The following MYO5B variants were observed in gnomAD, a reference collection of about 807,000 sequenced individuals.
MYO5B encodes the protein unconventional myosin-Vb.
MYO5B carries 143 observed loss-of-function variants against 229.3 expected under a neutral mutation model. The observed-to-expected ratio is 0.62, with a 90% confidence interval of 0.54 to 0.72. The LOEUF (loss-of-function observed/expected upper bound fraction) is 0.72. Among genes scored for constraint, MYO5B ranks in the 30% least tolerant of loss-of-function variants. MYO5B has a pLI of 0.00. For missense variants in MYO5B, 2,321 were observed against 2,331.0 expected (o/e 1.00, Z 0.09); for synonymous variants, 918 against 885.2 (o/e 1.04, Z -0.66).
intron 1 of MYO5B, among the ~76,000 whole-genome samples, chr18:50,086,600 T>C (rs374808481): frequency 2.6e-5 from 4 of 152,336 alleles, no homozygotes; most frequent in Admixed American, 2.0e-4. Context: ...CCATACACTG[T>C]GCAGGCACTG....
At position 50,155,179 on chromosome 18, in the gene MYO5B, C is replaced by T. The variant is rs34417678; in HGVS notation, c.27+39588G>A. On this transcript the variant is annotated intron_variant, in intron 1 of 39. Coordinates refer to ENST00000285039, the MANE Select transcript of MYO5B (RefSeq NM_001080467.3). ...ATAGTAGCTGCAACCACTCCAGGTA[C>T]GAGGCAGCTACGTGGCACAAACAAC... Among the ~76,000 whole-genome samples, 1,089 of 152,268 alleles carry T rather than the reference C, an allele frequency of 7.2e-3. 6 individuals carry two copies. Among genetic ancestry groups the T allele is most frequent in the Non-Finnish European group, 0.011 (751 of 68,006 alleles).
chr18:49,830,423 T>C (rs1475576602), intron 39 of MYO5B, among the ~76,000 whole-genome samples: 3 of 152,180 alleles, frequency 2.0e-5, no homozygotes, highest in African/African-American at 7.2e-5. Context: ...ATGACAATAC[T>C]ACATAAGCAA....
At chr18:49,875,002 A>G (rs188192886) in intron 26 of MYO5B, among the ~76,000 whole-genome samples, 6 of 152,284 alleles carry the variant, frequency 3.9e-5, no homozygotes, top group Admixed American at 2.6e-4. Flanking sequence ...TAAATTCCTC[A>G]TAACATTTAA....
At chr18:49,876,795 G>A (rs1468981272) in intron 25 of MYO5B, among the ~76,000 whole-genome samples, 4 of 152,194 alleles carry the variant, frequency 2.6e-5, no homozygotes, top group East Asian at 1.9e-4. Context: ...AGCAAGCCAC[G>A]CAGAACCGCA....
intron 26 of MYO5B, among the ~76,000 whole-genome samples, chr18:49,875,131 T>C (rs983962775): frequency 3.3e-5 from 5 of 152,208 alleles, no homozygotes; most frequent in African/African-American, 1.2e-4. Flanking sequence ...GGGTGCCCAG[T>C]AGTTCCTTGA....
At chr18:50,000,719 A>G (rs2026036895) in intron 5 of MYO5B, among the ~76,000 whole-genome samples, 1 of 152,320 alleles carries the variant, frequency 6.6e-6, no homozygotes, top group South Asian at 2.1e-4. Context: ...GCCCTGGCCA[A>G]TTCACGCCAT....
intron 1 of MYO5B, among the ~76,000 whole-genome samples, chr18:50,107,354 A>C (rs946889516): frequency 6.6e-6 from 1 of 151,330 alleles, no homozygotes; most frequent in African/African-American, 2.4e-5. Flanking sequence ...TGACCTTGTG[A>C]TATCCAGGGT....
intron 17 of MYO5B, among the ~76,000 whole-genome samples, chr18:49,928,808 G>C (rs780423153): frequency 2.0e-5 from 3 of 152,150 alleles, no homozygotes; most frequent in Non-Finnish European, 4.4e-5. Context: ...CAAAATAATG[G>C]CATTCACAGC....
chr18:49,945,798 A>G lies in MYO5B; in HGVS notation c.1752+7462T>C, dbSNP rs552713253. 1.2e-4 allele frequency among the ~76,000 whole-genome samples: 19 copies of G among 152,014 alleles called. No individual in the cohort carries two copies. The South Asian group carries it at 3.7e-3, about 30-fold the overall frequency. On this transcript the variant is annotated intron_variant, in intron 14 of 39. Coordinates refer to ENST00000285039, the MANE Select transcript of MYO5B (RefSeq NM_001080467.3). ...GAGGAGAGCTGGGCCTGGGGGCTCC[A>G]TGGACCAGGGCCAGAGAGCCAAGAC...
chr18:50,133,104 G>A (rs2144549251), intron 1 of MYO5B, among the ~76,000 whole-genome samples: 1 of 152,306 alleles, frequency 6.6e-6, no homozygotes, highest in East Asian at 1.9e-4. Flanking sequence ...GAATATGACT[G>A]TTTCCTTCCT....
At chr18:49,888,186 A>G (rs1787545) in intron 22 of MYO5B, among the ~76,000 whole-genome samples, 88,199 of 151,804 alleles carry the variant, frequency 0.58, 25,768 homozygotes, top group Middle Eastern at 0.67. Flanking sequence ...TGGGGGAGTA[A>G]GGGACTCTCC....
rs1408494430 is a variant in MYO5B, at chr18:49,895,116, A to G, written c.2870T>C (p.Met957Thr). 2 of 1,614,082 alleles carry G rather than the reference A, an allele frequency of 1.2e-6. No individual in the cohort carries two copies. The highest frequency in any genetic ancestry group is 4.5e-5 in the East Asian group (2 of 44,874). The change falls in exon 22 of 40, where the codon ATG (methionine) becomes ACG (threonine). Residue 957 changes from methionine (M) to threonine (T), a missense_variant. By Grantham distance (81) the Met-to-Thr change is moderately conservative. Around this residue, in one of 2 missense-constraint regions of MYO5B, gnomAD observed 2,113 missense variants for 2,044.7 expected, o/e 1.03. Transcript: ENST00000285039. The stretch of plus-strand genomic sequence containing the variant: ...CTCCTTCTTCAGCCGCTCTACCTCC[A>G]TGGTGTATGTTGAGGTGGTCACGGA... Reference protein sequence around the residue: ...QLSVTTSTYTMEVERLKKELV... With the variant: ...QLSVTTSTYTTEVERLKKELV...
At chr18:50,097,533 T>C (rs928726138) in intron 1 of MYO5B, 38 of 287,856 alleles carry the variant, frequency 1.3e-4, no homozygotes, top group African/African-American at 7.8e-4. Flanking sequence ...CTAAGGTGAC[T>C]TCACTGAACA....
At chr18:49,833,351 C>T (rs1398228504) in intron 39 of MYO5B, among the ~76,000 whole-genome samples, 2 of 152,200 alleles carry the variant, frequency 1.3e-5, no homozygotes, top group Non-Finnish European at 2.9e-5. Context: ...GTCTTTATCA[C>T]ACATGTGAGT....
chr18:49,932,881 AGGT>A (rs2025209603), intron 16 of MYO5B, among the ~76,000 whole-genome samples: 1 of 152,194 alleles, frequency 6.6e-6, no homozygotes, highest in Middle Eastern at 3.2e-3. Context: ...TTTCACTATT[AGGT>A]GACTAGGAAT....
chr18:49,882,453 C>A (rs371407722), intron 22 of MYO5B, among the ~76,000 whole-genome samples: 3 of 151,884 alleles, frequency 2.0e-5, no homozygotes, highest in African/African-American at 7.2e-5. Flanking sequence ...CATGCTGACA[C>A]CCCGTCTCTA....
Position 49,877,770 on chromosome 18 carries a change from T to C in MYO5B, c.3389A>G (p.Gln1130Arg). 1.2e-6 allele frequency: 2 copies of C among 1,614,090 alleles called. No individual in the cohort carries two copies. The highest frequency in any genetic ancestry group is 1.7e-6 in the Non-Finnish European group (2 of 1,179,942). The change falls in exon 25 of 40, where the codon CAG becomes CGG. Residue 1130 changes from glutamine to arginine, a missense_variant. Coordinates refer to ENST00000285039, the MANE Select transcript of MYO5B (RefSeq NM_001080467.3). ...EIGDTEDALQQVEEIGLEKAA... is the reference protein window; with the variant it reads ...EIGDTEDALQRVEEIGLEKAA... Reference sequence around the variant, plus strand: ...AGAGCCTGCATCACTCACCTCCACCTGCTGGAGGGCATCCTCAGTGTCTCC... The same window carrying C: ...AGAGCCTGCATCACTCACCTCCACCCGCTGGAGGGCATCCTCAGTGTCTCC...
intron 4 of MYO5B, among the ~76,000 whole-genome samples, chr18:50,018,165 G>C (rs935733504): frequency 6.6e-6 from 1 of 152,142 alleles, no homozygotes; most frequent in African/African-American, 2.4e-5. Context: ...GCTCACCACA[G>C]CCTAGCACTC....
In MYO5B at chr18:49,825,173, C is replaced by A. The variant is rs2023826496; in HGVS notation, c.*1298G>T. 6.6e-6 allele frequency: 1 copy of A among 151,756 alleles called. No homozygotes were observed. The highest frequency in any genetic ancestry group is 2.1e-4 in the South Asian group (1 of 4,826). 9.4% of individuals were successfully genotyped at this position (151,756 alleles called of 1,614,324 possible). ...CTGCTATCAAGAAATACAGAAAAGA[C>A]AGTAAAAAAAAGTGTGGAAAGAATA... is the stretch of plus-strand genomic sequence containing the variant. On this transcript the variant is annotated 3_prime_UTR_variant, in exon 40 of 40. Coordinates refer to ENST00000285039, the MANE Select transcript of MYO5B (RefSeq NM_001080467.3).
Sources: allele counts gnomAD v4.1 joint callset (sites outside exome capture counted in the v4.1 genomes callset), GRCh38; gene constraint gnomAD v4.1.1; regional missense constraint gnomAD v4.1.1; transcripts MANE v1.5; gene names NCBI Gene and HGNC (gene_info 2026-07-23, HGNC 2026-07-21).